NOX3: variants seen among roughly 807,000 people sequenced by gnomAD.
NOX3 encodes the protein NADPH oxidase catalytic subunit-like 3.
NOX3 carries 74 observed loss-of-function variants against 76.7 expected under a neutral mutation model. The observed-to-expected ratio is 0.96, with a 90% CI of 0.80 to 1.17. The LOEUF (loss-of-function observed/expected upper bound fraction) is 1.17. Among genes scored for constraint, NOX3 ranks in the 50% most tolerant of loss-of-function variants. NOX3 has a pLI of 0.00. For missense variants in NOX3, 695 were observed against 703.3 expected (o/e 0.99, Z 0.13); for synonymous variants, 263 against 261.1 (o/e 1.01, Z -0.07).
Position 155,395,425 on chromosome 6 carries a change from A to G in NOX3, c.*177T>C, listed in dbSNP as rs992590339. ...ATGTTTTTGTTCTGTTGTATATGAC[A>G]TGTTATTTATAAGCTAAGGAAGTAT... On this transcript the variant is annotated 3_prime_UTR_variant, in exon 14 of 14. Coordinates refer to ENST00000159060, the MANE Select transcript of NOX3 (RefSeq NM_015718.3). 5 of 152,162 alleles carry G rather than the reference A, an allele frequency of 3.3e-5. No individual in the cohort carries two copies. The highest frequency in any genetic ancestry group is 9.7e-5 in the African/African-American group (4 of 41,448). 9.4% of individuals were successfully genotyped at this position (152,162 alleles called of 1,614,324 possible).
chr6:155,440,084 G>T lies in NOX3; in HGVS notation c.540C>A (p.Ile180=). 6.2e-7 allele frequency: 1 copy of T among 1,613,702 alleles called. No individual in the cohort carries two copies. Among genetic ancestry groups the T allele is most frequent in the Non-Finnish European group, 8.5e-7 (1 of 1,179,866 alleles). The change falls in exon 6 of 14, where the codon ATC becomes ATA. Residue 180 remains isoleucine (I), a synonymous_variant. Coordinates refer to ENST00000159060, the MANE Select transcript of NOX3 (RefSeq NM_015718.3). Reference sequence around the variant, plus strand: ...TCATGATCAAGACTAAAGCCAGAGAGATCACCAGACCGGTGACGCCTGCTA... The same window carrying T: ...TCATGATCAAGACTAAAGCCAGAGATATCACCAGACCGGTGACGCCTGCTA... The part of the protein sequence containing the change: ...RTIAGVTGLV[I]SLALVLIMTS...
At chr6:155,419,837 T>C (rs1475661487) in intron 10 of NOX3, among the ~76,000 whole-genome samples, 1 of 152,156 alleles carries the variant, frequency 6.6e-6, no homozygotes, top group Non-Finnish European at 1.5e-5. Context: ...CCTAGTAAAA[T>C]AATTGGAATT....
intron 10 of NOX3, among the ~76,000 whole-genome samples, chr6:155,414,623 CTTTTTTTTTTT>C (rs72348061): frequency 2.6e-5 from 3 of 113,790 alleles, no homozygotes; most frequent in Non-Finnish European, 1.8e-5. Context: ...TCTTTTCTTT[CTTTTTTTTTTT>C]TTTTTTTTTT....
intron 9 of NOX3, among the ~76,000 whole-genome samples, chr6:155,424,059 C>T (rs1776726530): frequency 6.6e-6 from 1 of 152,118 alleles, no homozygotes; most frequent in Admixed American, 6.6e-5. Flanking sequence ...AGTTCCTTCC[C>T]TCTCTCCTTA....
intron 9 of NOX3, among the ~76,000 whole-genome samples, chr6:155,426,990 T>TGTGC (rs1562465097): frequency 7.2e-4 from 19 of 26,336 alleles, no homozygotes; most frequent in African/African-American, 3.1e-3. Flanking sequence ...GTGGCGTGTG[T>TGTGC]GTGTGTGTGT....
In NOX3 at chr6:155,407,144, G is replaced by A; in HGVS notation, c.1566C>T (p.Ala522=). ...PNWNNEFKQI[A]YNHPSSSIGV... ...GCTTGCCTTACCTGGGGTGATTGTA[G>A]GCAATCTGCTTGAACTCATTGTTCC... Residue 522 remains alanine (A), a synonymous_variant, in exon 12 of 14, where the codon GCC becomes GCT. Transcript: ENST00000159060. The A allele has an allele frequency of 6.2e-7, 1 of 1,614,114 alleles. No individual in the cohort carries two copies. The highest frequency in any genetic ancestry group is 8.5e-7 in the Non-Finnish European group (1 of 1,180,000).
intron 10 of NOX3, among the ~76,000 whole-genome samples, chr6:155,414,828 A>G (rs1469210515): frequency 6.6e-6 from 1 of 151,950 alleles, no homozygotes; most frequent in Admixed American, 6.6e-5. Context: ...GGATTTCACC[A>G]TGTTGGCCAT....
At chr6:155,445,965 ATATAATATATATATGC>A (rs1562472105) in intron 4 of NOX3, among the ~76,000 whole-genome samples, 2 of 102,886 alleles carry the variant, frequency 1.9e-5, no homozygotes, top group Admixed American at 1.1e-4. Context: ...TGCTATATAT[ATATAATATATATATGC>A]TATATATATA....
chr6:155,439,301 A>T (rs142957739), intron 6 of NOX3, among the ~76,000 whole-genome samples: 3 of 152,338 alleles, frequency 2.0e-5, no homozygotes, highest in African/African-American at 7.2e-5. Flanking sequence ...TATTTAAAGG[A>T]TTGAAAAGCA....
At position 155,398,418 on chromosome 6, in the gene NOX3, C is replaced by A. The variant is rs910353551; in HGVS notation, c.1581-1456G>T. ...GCCTATAGAGCCTAGTTCTTCTTAG[C>A]TCATATGTTAACATGGTTCTCTGCC... On this transcript the variant is annotated intron_variant, in intron 12 of 13. Transcript: ENST00000159060. Among the ~76,000 whole-genome samples the A allele has an allele frequency of 1.3e-5, 2 of 152,194 alleles. 1 individual carries two copies. Among genetic ancestry groups the A allele is most frequent in the Non-Finnish European group, 2.9e-5 (2 of 68,040 alleles).
chr6:155,416,073 G>C (rs1157228810), intron 10 of NOX3, among the ~76,000 whole-genome samples: 2 of 152,156 alleles, frequency 1.3e-5, no homozygotes, highest in African/African-American at 4.8e-5. Context: ...CACCAGGCTC[G>C]GTGTGTGCTA....
At chr6:155,409,878 G>GT (rs1776519103) in intron 11 of NOX3, among the ~76,000 whole-genome samples, 1 of 152,154 alleles carries the variant, frequency 6.6e-6, no homozygotes, top group African/African-American at 2.4e-5. Flanking sequence ...GCAGGATTGT[G>GT]TTGTCGCCAA....
rs760933403 is a variant in NOX3 at position 155,438,396 on chromosome 6, C to A, written c.668+1560G>T. ...AAGCCTCTAGCCAGGCAGCAGAGTA[C>A]GGGTGAATGTGGACTGACCCGGTTA... On this transcript the variant is annotated intron_variant, in intron 6 of 13. Transcript: ENST00000159060. 2.0e-5 allele frequency among the ~76,000 whole-genome samples: 3 copies of A among 152,168 alleles called. No individual in the cohort carries two copies. In the East Asian group the frequency reaches 5.8e-4, roughly 29 times the overall value.
chr6:155,397,685 T>A (rs1162342062), intron 12 of NOX3, among the ~76,000 whole-genome samples: 1 of 152,234 alleles, frequency 6.6e-6, no homozygotes, highest in Non-Finnish European at 1.5e-5. Flanking sequence ...GATAATACAT[T>A]CAAAAGGGTT....
At chr6:155,447,408 C>G (rs533813721) in intron 4 of NOX3, among the ~76,000 whole-genome samples, 1 of 152,142 alleles carries the variant, frequency 6.6e-6, no homozygotes, top group Non-Finnish European at 1.5e-5. Context: ...AGATTGATTT[C>G]CACATGAGAA....
chr6:155,425,156 T>G (rs1044344476), intron 9 of NOX3, among the ~76,000 whole-genome samples: 6 of 152,226 alleles, frequency 3.9e-5, no homozygotes, highest in Non-Finnish European at 7.3e-5. Context: ...TTCTGACAAC[T>G]CTCATCTTTT....
At chr6:155,403,822 G>T (rs916475591) in intron 12 of NOX3, among the ~76,000 whole-genome samples, 2 of 152,112 alleles carry the variant, frequency 1.3e-5, no homozygotes, top group Admixed American at 6.5e-5. Context: ...TTGATGCTCC[G>T]TGTTCCTGGC....
At chr6:155,415,375 G>A (rs370327048) in intron 10 of NOX3, among the ~76,000 whole-genome samples, 2 of 152,162 alleles carry the variant, frequency 1.3e-5, no homozygotes, top group African/African-American at 2.4e-5. Flanking sequence ...AACTTGTGCC[G>A]TATCTTGAAT....
chr6:155,448,561 T>C (rs1218638748), intron 4 of NOX3, among the ~76,000 whole-genome samples: 1 of 151,740 alleles, frequency 6.6e-6, no homozygotes, highest in African/African-American at 2.4e-5. Flanking sequence ...AGCAGCAATT[T>C]TGGAAACACT....
Sources: allele counts gnomAD v4.1 joint callset (sites outside exome capture counted in the v4.1 genomes callset), GRCh38; gene constraint gnomAD v4.1.1; transcripts MANE v1.5; gene names NCBI Gene and HGNC (gene_info 2026-07-23, HGNC 2026-07-21).